The following RFXANK variants were observed in gnomAD, a reference collection of about 807,000 sequenced individuals.
RFXANK encodes the protein regulatory factor X associated ankyrin containing protein.
In RFXANK, 19 loss-of-function variants were observed where a neutral mutation model predicts 34.5. The observed-to-expected ratio is 0.55, with a 90% CI of 0.38 to 0.81. RFXANK has a LOEUF of 0.81. Ranked by LOEUF, RFXANK falls within the 30% of genes least tolerant of loss-of-function variation. RFXANK has a pLI of 0.00. For synonymous variants in RFXANK, 154 were observed against 149.8 expected (o/e 1.03, Z -0.20); for missense variants, 295 against 343.5 (o/e 0.86, Z 1.12).
In RFXANK at chr19:19,199,176, C is replaced by T. The variant is rs8862; in HGVS notation, c.654C>T (p.Thr218=). ...CAGCCCGAGGCGCTGACCTCACCAC[C>T]GAAGCCGACTCTGGCTACACCCCGA... ...ALLARGADLT[T]EADSGYTPMD... The change falls in exon 9 of 10, where the codon ACC becomes ACT. Residue 218 remains threonine (T), a synonymous_variant. Coordinates refer to ENST00000303088, the MANE Select transcript of RFXANK (RefSeq NM_003721.4). The T allele has an allele frequency of 6.6e-5, 107 of 1,614,012 alleles. No homozygotes were observed. The East Asian group carries it at 1.7e-3, about 25-fold the overall frequency.
intron 2 of RFXANK, among the ~76,000 whole-genome samples, chr19:19,193,319 A>C (rs981439849): frequency 2.6e-5 from 4 of 151,758 alleles, no homozygotes; most frequent in Non-Finnish European, 5.9e-5. Flanking sequence ...TGAGGCTCAA[A>C]GGTTAAGTCA....
At position 19,193,834 on chromosome 19, in the gene RFXANK, A is replaced by G. The variant is rs1463789758; in HGVS notation, c.-8-105A>G. On this transcript the variant is annotated intron_variant, in intron 2 of 9. Coordinates refer to ENST00000303088, the MANE Select transcript of RFXANK (RefSeq NM_003721.4). ...GGCTCTGGTAATTAACCTGGACCTC[A>G]GTTTACCCACCCTCACAGTGCAAGG... 3.1e-6 allele frequency: 4 copies of G among 1,301,842 alleles called. No homozygotes were observed. The African/African-American group carries it at 5.8e-5, about 19-fold the overall frequency. 80.6% of individuals were successfully genotyped at this position (1,301,842 alleles called of 1,614,324 possible).
intron 9 of RFXANK, 161 bp from the exon 10 acceptor site, chr19:19,201,488 G>C: frequency 6.3e-7 from 1 of 1,590,608 alleles, no homozygotes. Context: ...GGGAAGTTGA[G>C]GTTCCTGGGG....
At position 19,198,048 on chromosome 19, in the gene RFXANK, C is replaced by T. The variant is rs2060632644; in HGVS notation, c.439-59C>T. On this transcript the variant is annotated intron_variant, in intron 6 of 9. Coordinates refer to ENST00000303088, the MANE Select transcript of RFXANK (RefSeq NM_003721.4). ...AAAAAGATGCGGCTGCTGTGGGTACCCCAGGATTCCTGGTTATGCCCCAAT... is the reference window on the plus strand; with the variant it reads ...AAAAAGATGCGGCTGCTGTGGGTACTCCAGGATTCCTGGTTATGCCCCAAT... 5.6e-6 allele frequency: 9 copies of T among 1,606,784 alleles called. No individual in the cohort carries two copies. The Admixed American group carries it at 1.0e-4, about 18-fold the overall frequency.
intron 8 of RFXANK, 78 bp downstream of exon 8, chr19:19,198,801 G>C (rs181548341): frequency 7.1e-7 from 1 of 1,412,578 alleles, no homozygotes; most frequent in African/African-American, 1.4e-5. Flanking sequence ...GCAGGGAGAC[G>C]CCCAAGTGTT....
chr19:19,198,421 G>A (rs1039000343), intron 7 of RFXANK, among the ~76,000 whole-genome samples, 189 bp downstream of exon 7: 6 of 152,226 alleles, frequency 3.9e-5, no homozygotes, highest in Non-Finnish European at 8.8e-5. Context: ...CAGCTGAGAT[G>A]CAGTGAACTG....
intron 8 of RFXANK, 78 bp downstream of exon 8, chr19:19,198,801 GC>G: frequency 7.1e-7 from 1 of 1,412,706 alleles, no homozygotes. Context: ...GCAGGGAGAC[GC>G]CCAAGTGTTG....
chr19:19,199,946 T>C (rs2060673956), intron 9 of RFXANK, among the ~76,000 whole-genome samples: 1 of 152,166 alleles, frequency 6.6e-6, no homozygotes, highest in Non-Finnish European at 1.5e-5. Context: ...AGAGTTTTAC[T>C]GTGTTTGGGA....
At position 19,201,683 on chromosome 19, in the gene RFXANK, C is replaced by T. The variant is rs761438820; in HGVS notation, c.747C>T (p.Leu249=). 5 of 1,614,152 alleles carry T rather than the reference C, an allele frequency of 3.1e-6. No homozygotes were observed. In the South Asian group the frequency reaches 5.5e-5, roughly 18 times the overall value. The change falls in exon 10 of 10, where the codon CTC becomes CTT. Residue 249 remains leucine, a synonymous_variant. Coordinates refer to ENST00000303088, the MANE Select transcript of RFXANK (RefSeq NM_003721.4). The stretch of plus-strand genomic sequence containing the variant: ...TGATCGAGAACCACATCCTCAAGCT[C>T]TTCCAGAGCAACCTGGTGCCCGCTG... ...QQVIENHILK[L]FQSNLVPADP... is the part of the protein sequence containing the mutation.
At chr19:19,195,465 C>G (rs2146473836) in intron 3 of RFXANK, among the ~76,000 whole-genome samples, 1 of 152,076 alleles carries the variant, frequency 6.6e-6, no homozygotes, top group South Asian at 2.1e-4. Context: ...CCACCACATC[C>G]AGCTAATTTT....
chr19:19,193,265 A>G (rs1282810992), intron 2 of RFXANK, among the ~76,000 whole-genome samples, 165 bp downstream of exon 2: 1 of 152,056 alleles, frequency 6.6e-6, no homozygotes, highest in Non-Finnish European at 1.5e-5. Flanking sequence ...GTACAGACAT[A>G]ATTCGTTGTA....
At chr19:19,193,857 AG>A (rs2060544869) in intron 2 of RFXANK, 81 bp from the exon 3 acceptor site, 1 of 1,487,282 alleles carries the variant, frequency 6.7e-7, no homozygotes, top group South Asian at 1.1e-5. Flanking sequence ...TCACAGTGCA[AG>A]GCTAGGTATG....
Position 19,198,705 on chromosome 19 carries a change from T to G in RFXANK, c.613T>G (p.Cys205Gly). The G allele has an allele frequency of 1.2e-6, 2 of 1,613,988 alleles. No individual in the cohort carries two copies. Among genetic ancestry groups the G allele is most frequent in the African/African-American group, 2.7e-5 (2 of 75,066 alleles). Residue 205 changes from cysteine (C) to glycine (G), a missense_variant, in exon 8 of 10, where the codon TGC (cysteine) becomes GGC (glycine). Cys to Gly is a radical substitution (Grantham distance 159). Transcript: ENST00000303088. ...CGCTGTGCGCGGGAACCACGTGAAA[T>G]GCGTTGAGGCCTTGCTGGGTGAGTG... ...LYAVRGNHVK[C>G]VEALLARGAD...
At chr19:19,197,963 G>C in intron 6 of RFXANK, 144 bp from the exon 7 acceptor site, 2 of 1,132,652 alleles carry the variant, frequency 1.8e-6, no homozygotes, top group South Asian at 2.5e-5. Context: ...AGTGAGCCGA[G>C]ATTGCGCCAC....
In RFXANK at chr19:19,198,699, G is replaced by C; in HGVS notation, c.607G>C (p.Val203Leu). ...GCTGTACGCTGTGCGCGGGAACCACGTGAAATGCGTTGAGGCCTTGCTGGG... is the reference window on the plus strand; with the variant it reads ...GCTGTACGCTGTGCGCGGGAACCACCTGAAATGCGTTGAGGCCTTGCTGGG... ...PLLYAVRGNH[V>L]KCVEALLARG... The change falls in exon 8 of 10, where the codon GTG (valine) becomes CTG (leucine). Residue 203 changes from valine (V) to leucine (L), a missense_variant. Physicochemically the swap from Val to Leu is conservative, Grantham distance 32. Transcript: ENST00000303088. 6.2e-7 allele frequency: 1 copy of C among 1,613,996 alleles called. No homozygotes were observed. The highest frequency in any genetic ancestry group is 8.5e-7 in the Non-Finnish European group (1 of 1,180,052).
intron 5 of RFXANK, 111 bp from the exon 6 acceptor site, chr19:19,197,410 C>G (rs1397391331): frequency 1.6e-6 from 2 of 1,218,098 alleles, no homozygotes; most frequent in Non-Finnish European, 2.4e-6. Flanking sequence ...AACATACGCT[C>G]CCCCTCATTC....
chr19:19,198,925 C>T (rs779472127), intron 8 of RFXANK: 71 of 754,274 alleles, frequency 9.4e-5, no homozygotes, highest in Non-Finnish European at 1.6e-4. Context: ...AGGATCTGGC[C>T]AAGAGGCTAA....
At chr19:19,196,816 G>C in intron 3 of RFXANK, 147 bp from the exon 4 acceptor site, 1 of 780,056 alleles carries the variant, frequency 1.3e-6, no homozygotes, top group East Asian at 2.6e-5. Flanking sequence ...AGTGAGCCGA[G>C]ATCACGCCAC....
intron 1 of RFXANK, 105 bp from the exon 2 acceptor site, chr19:19,192,855 C>T (rs2060510945): frequency 6.6e-6 from 1 of 152,382 alleles, no homozygotes; most frequent in Non-Finnish European, 1.5e-5. Context: ...GCACTTACTG[C>T]CCGGGCCCTT....
Sources: gnomAD v4.1 joint callset for allele counts (sites outside exome capture counted in the v4.1 genomes callset) on GRCh38, gnomAD v4.1.1 for gene constraint, MANE v1.5 for transcripts, NCBI Gene and HGNC (gene_info 2026-07-23, HGNC 2026-07-21) for gene names.